The following ZNRF3 variants were observed in gnomAD, a reference collection of about 807,000 sequenced individuals.
ZNRF3 encodes zinc and ring finger 3, also known as E3 ubiquitin-protein ligase ZNRF3.
A neutral mutation model predicts 72.5 loss-of-function variants in ZNRF3; 23 were observed. That is an observed-to-expected ratio of 0.32 (90% CI 0.23 to 0.45). The LOEUF is 0.45. Ranked by LOEUF, ZNRF3 falls within the 20% of genes least tolerant of loss-of-function variation. The probability of loss-of-function intolerance (pLI) is 1.00; values close to 1 mark genes in which losing one functional copy is unlikely to be tolerated. For missense variants in ZNRF3, 1,169 were observed against 1,272.1 expected (o/e 0.92, Z 1.23); for synonymous variants, 610 against 545.3 (o/e 1.12, Z -1.65).
At chr22:28,950,908 T>G (rs1175282281) in intron 1 of ZNRF3, among the ~76,000 whole-genome samples, 1 of 152,236 alleles carries the variant, frequency 6.6e-6, no homozygotes, top group Non-Finnish European at 1.5e-5. Context: ...CTTGCCAAAC[T>G]CTGAGAGTCT....
intron 1 of ZNRF3, among the ~76,000 whole-genome samples, chr22:28,957,190 GC>G (rs1225532899): frequency 1.3e-5 from 2 of 152,132 alleles, no homozygotes; most frequent in Non-Finnish European, 2.9e-5. Flanking sequence ...TTTGTCAAGG[GC>G]TTTTGTAGTC....
chr22:28,887,268 G>GTGTA (rs765308222), intron 1 of ZNRF3, among the ~76,000 whole-genome samples: 308 of 151,118 alleles, frequency 2.0e-3, no homozygotes, highest in Admixed American at 4.7e-3. Flanking sequence ...GTGTGTGTGT[G>GTGTA]TGTATACATA....
intron 2 of ZNRF3, among the ~76,000 whole-genome samples, chr22:29,014,310 A>G (rs1267439906): frequency 2.0e-5 from 3 of 152,132 alleles, no homozygotes; most frequent in African/African-American, 7.2e-5. Context: ...TTGTTCAGTC[A>G]TCTGAAGTCA....
At chr22:28,950,141 G>A (rs1393531222) in intron 1 of ZNRF3, among the ~76,000 whole-genome samples, 7 of 152,176 alleles carry the variant, frequency 4.6e-5, no homozygotes, top group African/African-American at 1.7e-4. Flanking sequence ...TCCCACCACT[G>A]CTTTTGTACA....
At position 28,883,818 on chromosome 22, in the gene ZNRF3, C is replaced by T; in HGVS notation, c.52C>T (p.Arg18Cys). ...RPGATGRRRR[R>C]LRRRPRGLRC... ...AGGGGCCACGGGCCGCCGCCGCCGC[C>T]GCCTGCGCCGCCGCCCCCGCGGCCT... Residue 18 changes from arginine to cysteine, a missense_variant, in exon 1 of 9, where the codon CGC becomes TGC. Physicochemically the swap from Arg to Cys is radical, Grantham distance 180. Transcript: ENST00000544604. This position sits in a 1 kb window ranked among gnomAD's most constrained non-coding sequence, Gnocchi z 5.5. 1 of 979,210 alleles carries T rather than the reference C, an allele frequency of 1.0e-6. No individual in the cohort carries two copies. Among genetic ancestry groups the T allele is most frequent in the Non-Finnish European group, 1.2e-6 (1 of 827,412 alleles). 60.7% of individuals were successfully genotyped at this position (979,210 alleles called of 1,614,324 possible).
chr22:29,051,880 CAAAAA>C (rs758308347), intron 8 of ZNRF3, among the ~76,000 whole-genome samples: 3 of 83,620 alleles, frequency 3.6e-5, no homozygotes, highest in African/African-American at 1.3e-4. Context: ...GACTCCATCT[CAAAAA>C]AAAAAAAAAA....
intron 1 of ZNRF3, among the ~76,000 whole-genome samples, chr22:28,959,679 C>T (rs2035321909): frequency 6.6e-6 from 1 of 152,128 alleles, no homozygotes; most frequent in African/African-American, 2.4e-5. Context: ...GTGTTGAAGC[C>T]CTAACTCCCA....
chr22:29,017,918 A>G, intron 2 of ZNRF3: 1 of 509,296 alleles, frequency 2.0e-6, no homozygotes, highest in South Asian at 1.4e-5. Flanking sequence ...GTCCTTAAGC[A>G]TTGAAGCGCT....
At chr22:28,895,624 G>A (rs1032071251) in intron 1 of ZNRF3, among the ~76,000 whole-genome samples, 9 of 152,088 alleles carry the variant, frequency 5.9e-5, no homozygotes, top group African/African-American at 1.4e-4. Context: ...CCGAGATTGC[G>A]CCACTGCACT....
At chr22:29,053,251 T>C (rs2037239582) in intron 8 of ZNRF3, among the ~76,000 whole-genome samples, 1 of 152,186 alleles carries the variant, frequency 6.6e-6, no homozygotes, top group African/African-American at 2.4e-5. Context: ...TGTCTCAAGG[T>C]TCGTAATCTC....
chr22:29,035,032 C>T (rs1454647509), intron 2 of ZNRF3, among the ~76,000 whole-genome samples: 5 of 139,010 alleles, frequency 3.6e-5, no homozygotes, highest in East Asian at 2.1e-4. Context: ...AATAGACACA[C>T]GGAGTCTTGC....
chr22:28,949,961 ATTT>A (rs132560), intron 1 of ZNRF3, among the ~76,000 whole-genome samples: 3 of 150,582 alleles, frequency 2.0e-5, no homozygotes, highest in African/African-American at 7.3e-5. Flanking sequence ...GCCACGCAGA[ATTT>A]TTTTTTTAAT....
intron 1 of ZNRF3, among the ~76,000 whole-genome samples, chr22:28,937,197 ATATATATATATATATATATT>A (rs2034842735): frequency 2.1e-5 from 1 of 47,028 alleles, no homozygotes; most frequent in African/African-American, 1.7e-4. Context: ...ATATATATAT[ATATATATATATATATATATT>A]TTTTTTTTTT....
intron 1 of ZNRF3, among the ~76,000 whole-genome samples, chr22:28,892,905 T>G (rs2033915926): frequency 6.6e-6 from 1 of 152,032 alleles, no homozygotes. Context: ...CGGTGGCTCA[T>G]GCCTGTAATC....
chr22:28,949,336 A>G (rs1044566067), intron 1 of ZNRF3, among the ~76,000 whole-genome samples: 1 of 152,142 alleles, frequency 6.6e-6, no homozygotes, highest in Non-Finnish European at 1.5e-5. Flanking sequence ...AGGCAGTGGC[A>G]TGAGCTAGGC....
intron 1 of ZNRF3, among the ~76,000 whole-genome samples, chr22:28,929,017 A>G (rs2034657585): frequency 6.6e-6 from 1 of 152,218 alleles, no homozygotes; most frequent in Admixed American, 6.5e-5. Flanking sequence ...AGCTTTGGAC[A>G]GATTTTCTTT....
chr22:28,954,193 G>A (rs1394305731), intron 1 of ZNRF3, among the ~76,000 whole-genome samples: 1 of 152,184 alleles, frequency 6.6e-6, no homozygotes, highest in Non-Finnish European at 1.5e-5. Context: ...ACCATGGACT[G>A]TGTGGTTAAA....
At chr22:28,945,191 C>G (rs969985250) in intron 1 of ZNRF3, among the ~76,000 whole-genome samples, 49 of 150,266 alleles carry the variant, frequency 3.3e-4, no homozygotes, top group African/African-American at 1.1e-3. Context: ...TCAAGACTTA[C>G]AGGTAAGGAT....
intron 1 of ZNRF3, among the ~76,000 whole-genome samples, chr22:28,926,176 G>A (rs541693121): frequency 6.6e-6 from 1 of 152,294 alleles, no homozygotes; most frequent in South Asian, 2.1e-4. Context: ...TAGTGGTCTG[G>A]CCTTGTGGCT....
Sources: allele counts gnomAD v4.1 joint callset (sites outside exome capture counted in the v4.1 genomes callset), GRCh38; gene constraint gnomAD v4.1.1; non-coding constraint Gnocchi (gnomAD v3.1); transcripts MANE v1.5; gene names NCBI Gene and HGNC (gene_info 2026-07-23, HGNC 2026-07-21).